GAD2: variants seen among roughly 807,000 people sequenced by gnomAD.
GAD2 encodes the protein 65 kDa glutamic acid decarboxylase.
A neutral mutation model predicts 80.1 loss-of-function variants in GAD2; 22 were observed. That is an observed-to-expected ratio of 0.27 (90% CI 0.20 to 0.39). The LOEUF is 0.39. GAD2 is among the 10% of genes least tolerant of loss of function. GAD2 has a pLI of 1.00. For synonymous variants in GAD2, 274 were observed against 256.9 expected, an observed-to-expected ratio of 1.07 and a Z score of -0.64; for missense variants, 624 against 738.4, an observed-to-expected ratio of 0.85 and a Z score of 1.80.
At chr10:26,281,236 G>A (rs1370242774) in intron 12 of GAD2, 149 bp downstream of exon 12, 1 of 554,160 alleles carries the variant, frequency 1.8e-6, no homozygotes, top group Admixed American at 3.1e-5. Context: ...ATTCCTGTCT[G>A]CAGGGTGAAG....
intron 7 of GAD2, among the ~76,000 whole-genome samples, chr10:26,232,650 G>A (rs549271887): frequency 1.3e-5 from 2 of 151,820 alleles, no homozygotes; most frequent in South Asian, 4.2e-4. Flanking sequence ...CTACAGGCAC[G>A]TGCCGCCACA....
At chr10:26,269,089 A>C (rs1371776199) in intron 8 of GAD2, 30 bp from the exon 9 acceptor site, 1 of 1,561,712 alleles carries the variant, frequency 6.4e-7, no homozygotes, top group Non-Finnish European at 8.7e-7. Context: ...AAATTATTCA[A>C]AGCAAATCTA....
In GAD2 at chr10:26,245,827, GAAAGGAAA is replaced by G. The variant is rs200435933; in HGVS notation, c.841-84_841-77del. On this transcript the variant is annotated intron_variant, in intron 7 of 15. Coordinates refer to ENST00000376261, the MANE Select transcript of GAD2 (RefSeq NM_001134366.2). ...GGCTTTGGAGGAACAGACTAGAAAT[GAAAGGAAA>G]AAAGGAAAACAGAAAACAAACAGCC... is the stretch of plus-strand genomic sequence containing the variant. The G allele has an allele frequency of 3.8e-3, 3,742 of 979,134 alleles. 88 individuals are homozygous for G. In the African/African-American group the frequency reaches 0.054, roughly 14 times the overall value. The allele number at this position is 979,134 out of a possible 1,614,324, so 60.7% of individuals were successfully genotyped here.
chr10:26,285,011 G>A (rs1589152816), intron 12 of GAD2, among the ~76,000 whole-genome samples: 1 of 152,306 alleles, frequency 6.6e-6, no homozygotes, highest in East Asian at 1.9e-4. Context: ...TGCATGGCCT[G>A]AGGAATAATG....
At chr10:26,258,573 C>T (rs1038995248) in intron 8 of GAD2, among the ~76,000 whole-genome samples, 1 of 152,178 alleles carries the variant, frequency 6.6e-6, no homozygotes, top group Non-Finnish European at 1.5e-5. Flanking sequence ...GAAACGTCCA[C>T]TCCACTGTCT....
intron 8 of GAD2, among the ~76,000 whole-genome samples, chr10:26,262,048 T>C (rs1381816438): frequency 6.6e-6 from 1 of 152,156 alleles, no homozygotes; most frequent in African/African-American, 2.4e-5. Context: ...ATTTGTAAAA[T>C]GTATCTATAG....
intron 13 of GAD2, among the ~76,000 whole-genome samples, chr10:26,291,556 C>T (rs895700505): frequency 6.6e-6 from 1 of 152,174 alleles, no homozygotes; most frequent in Non-Finnish European, 1.5e-5. Context: ...TTGTATGAAA[C>T]AGGCAAGTGG....
At chr10:26,290,803 A>T (rs1834206335) in intron 13 of GAD2, among the ~76,000 whole-genome samples, 1 of 152,186 alleles carries the variant, frequency 6.6e-6, no homozygotes, top group African/African-American at 2.4e-5. Flanking sequence ...ATTTTGAAGA[A>T]TCTCCTAAAA....
At chr10:26,276,362 GTATTTTTATT>G (rs1845207298) in intron 11 of GAD2, among the ~76,000 whole-genome samples, 1 of 151,806 alleles carries the variant, frequency 6.6e-6, no homozygotes, top group Non-Finnish European at 1.5e-5. Context: ...TCTGTGCATT[GTATTTTTATT>G]TATTTTTATT....
At chr10:26,273,740 A>T in intron 11 of GAD2, 40 bp downstream of exon 11, 3 of 1,542,646 alleles carry the variant, frequency 1.9e-6, no homozygotes, top group Non-Finnish European at 2.7e-6. Context: ...AAAGTGTTAA[A>T]AGCTAACTGT....
chr10:26,247,744 A>C (rs1844826144), intron 8 of GAD2, among the ~76,000 whole-genome samples: 1 of 151,794 alleles, frequency 6.6e-6, no homozygotes, highest in African/African-American at 2.4e-5. Flanking sequence ...AAAAATACAA[A>C]AATTAGCCGG....
chr10:26,266,395 C>T (rs1845074476), intron 8 of GAD2, among the ~76,000 whole-genome samples: 1 of 152,136 alleles, frequency 6.6e-6, no homozygotes, highest in Admixed American at 6.5e-5. Context: ...GGTAATCCGG[C>T]CAATTCTAAG....
At chr10:26,261,203 CAATT>C (rs1432762795) in intron 8 of GAD2, among the ~76,000 whole-genome samples, 1 of 152,172 alleles carries the variant, frequency 6.6e-6, no homozygotes, top group Non-Finnish European at 1.5e-5. Flanking sequence ...GAGTGATCAT[CAATT>C]ACTTATTTTT....
At chr10:26,243,826 C>T (rs1844772491) in intron 7 of GAD2, among the ~76,000 whole-genome samples, 1 of 152,220 alleles carries the variant, frequency 6.6e-6, no homozygotes, top group Non-Finnish European at 1.5e-5. Context: ...CTGAGTTTCA[C>T]TGAACCTGGG....
At chr10:26,295,196 T>A (rs1015130041) in intron 15 of GAD2, among the ~76,000 whole-genome samples, 1 of 152,144 alleles carries the variant, frequency 6.6e-6, no homozygotes, top group Non-Finnish European at 1.5e-5. Context: ...TAATGAAGAA[T>A]GGGGATGGAG....
At chr10:26,279,411 G>T (rs936059251) in intron 11 of GAD2, among the ~76,000 whole-genome samples, 2 of 152,194 alleles carry the variant, frequency 1.3e-5, no homozygotes, top group Non-Finnish European at 2.9e-5. Context: ...CTGATGAAAT[G>T]GGTAAAGAAA....
At chr10:26,254,796 G>A (rs973776852) in intron 8 of GAD2, among the ~76,000 whole-genome samples, 2 of 152,234 alleles carry the variant, frequency 1.3e-5, no homozygotes, top group Non-Finnish European at 2.9e-5. Context: ...ATGATGAATA[G>A]CGGGCCGACC....
chr10:26,259,379 T>C (rs1844982445), intron 8 of GAD2, among the ~76,000 whole-genome samples: 1 of 152,208 alleles, frequency 6.6e-6, no homozygotes, highest in African/African-American at 2.4e-5. Context: ...TTTGGGTTTT[T>C]GGTTCGTTTG....
intron 8 of GAD2, among the ~76,000 whole-genome samples, chr10:26,266,066 A>T (rs1845069725): frequency 6.6e-6 from 1 of 152,248 alleles, no homozygotes; most frequent in African/African-American, 2.4e-5. Flanking sequence ...ACCCAGGTCT[A>T]CGTGCATCAG....
Sources: gnomAD v4.1 joint callset for allele counts (sites outside exome capture counted in the v4.1 genomes callset) on GRCh38, gnomAD v4.1.1 for gene constraint, MANE v1.5 for transcripts, NCBI Gene and HGNC (gene_info 2026-07-23, HGNC 2026-07-21) for gene names.